Variants in ADGRE3 observed in about 807,000 individuals in gnomAD.
ADGRE3 encodes adhesion G protein-coupled receptor E3.
In ADGRE3, 88 loss-of-function variants were observed where a neutral mutation model predicts 80.1. The observed-to-expected ratio is 1.10, with a 90% CI of 0.93 to 1.31. The LOEUF is 1.31. Among genes scored for constraint, ADGRE3 ranks in the 40% most tolerant of loss-of-function variants. The pLI, the probability that ADGRE3 is intolerant of heterozygous loss-of-function variation, is 0.00. For synonymous variants in ADGRE3, 281 were observed against 294.8 expected (o/e 0.95, Z 0.48); for missense variants, 715 against 776.5 (o/e 0.92, Z 0.94).
At chr19:14,628,648 T>G (rs1309255284) in intron 14 of ADGRE3, 2 of 336,582 alleles carry the variant, frequency 5.9e-6, no homozygotes, top group South Asian at 5.6e-5. Flanking sequence ...GTTCAAGACC[T>G]CATCATGCCC....
At chr19:14,670,064 C>A (rs1362414850) in intron 1 of ADGRE3, among the ~76,000 whole-genome samples, 1 of 151,996 alleles carries the variant, frequency 6.6e-6, no homozygotes, top group East Asian at 1.9e-4. Flanking sequence ...CATCTTGAAT[C>A]TAAGAAAAAA....
chr19:14,608,954 C>T, the ADGRE3 span, among the ~76,000 whole-genome samples: 1 of 152,006 alleles, frequency 6.6e-6, no homozygotes, highest in Non-Finnish European at 1.5e-5. Flanking sequence ...CGCCCGCCAC[C>T]ATGCTTGGTT....
At chr19:14,615,607 CA>C, downstream of ADGRE3, among the ~76,000 whole-genome samples, 1 of 151,506 alleles carries the variant, frequency 6.6e-6, no homozygotes, top group East Asian at 2.0e-4. Flanking sequence ...CTAAAAAATA[CA>C]AAAATTAGCC....
chr19:14,672,243 G>T (rs969305608), intron 1 of ADGRE3, among the ~76,000 whole-genome samples: 4 of 152,080 alleles, frequency 2.6e-5, no homozygotes, highest in African/African-American at 9.7e-5. Context: ...TCACTAATTT[G>T]GGCAAAGGTC....
chr19:14,644,109 T>C lies in ADGRE3; in HGVS notation c.1049A>G (p.Gln350Arg). The C allele has an allele frequency of 6.6e-7, 1 of 1,521,700 alleles. No homozygotes were observed. The highest frequency in any genetic ancestry group is 8.8e-7 in the Non-Finnish European group (1 of 1,131,806). The allele number at this position is 1,521,700 out of a possible 1,614,324, so 94.3% of individuals were successfully genotyped here. A position where few individuals can be genotyped will look rare whatever the true frequency, so the allele number is the denominator to read the frequency against. ...SFAVLMALTS[Q>R]EEDPVLTVIT... ...AAGAATAAAACATATACATCATACCTGGCTGGTCAGGGCCATCAGGACAGC... is the reference window on the plus strand; with the variant it reads ...AAGAATAAAACATATACATCATACCCGGCTGGTCAGGGCCATCAGGACAGC... Residue 350 changes from glutamine to arginine, a missense_variant and splice_region_variant, in exon 9 of 16, where the codon CAG becomes CGG. By Grantham distance (43) the Gln-to-Arg change is conservative. Transcript: ENST00000253673.
chr19:14,629,183 C>A (rs1471137261), intron 14 of ADGRE3, among the ~76,000 whole-genome samples: 4 of 152,200 alleles, frequency 2.6e-5, no homozygotes, highest in African/African-American at 4.8e-5. Context: ...GCTGGCCTCC[C>A]AAAGTGCTGG....
At chr19:14,615,965 A>AT (rs2075072934), downstream of ADGRE3, among the ~76,000 whole-genome samples, 1 of 127,072 alleles carries the variant, frequency 7.9e-6, no homozygotes, top group Non-Finnish European at 1.8e-5. Flanking sequence ...TCTCTGCCTT[A>AT]CTTTTTTTTT....
chr19:14,652,451 A>G (rs1379915778), intron 6 of ADGRE3, among the ~76,000 whole-genome samples: 1 of 152,078 alleles, frequency 6.6e-6, no homozygotes, highest in Non-Finnish European at 1.5e-5. Flanking sequence ...TTAAAAAAAA[A>G]AAGAAGCAAG....
At chr19:14,647,865 T>G (rs1468536386) in intron 7 of ADGRE3, among the ~76,000 whole-genome samples, 1 of 151,296 alleles carries the variant, frequency 6.6e-6, no homozygotes, top group Admixed American at 6.6e-5. Flanking sequence ...GTGGATCACT[T>G]GAGGTCAGAA....
At chr19:14,624,572 T>C (rs1335880649) in intron 15 of ADGRE3, among the ~76,000 whole-genome samples, 2 of 151,566 alleles carry the variant, frequency 1.3e-5, no homozygotes, top group African/African-American at 2.4e-5. Context: ...CTGGGCAACA[T>C]AGGGAGACTC....
chr19:14,617,349 TCTTTCTTTCTTTCTTTCTTTCTTTCTTC>T (rs1336052025), downstream of ADGRE3, among the ~76,000 whole-genome samples: 3 of 61,818 alleles, frequency 4.9e-5, no homozygotes, highest in African/African-American at 1.7e-4. Flanking sequence ...TCCCTTTCTT[TCTTTCTTTCTTTCTTTCTTTCTTTCTTC>T]CTTTCTTTCT....
At chr19:14,625,674 A>G in intron 14 of ADGRE3, 75 bp from the exon 15 acceptor site, 2 of 805,016 alleles carry the variant, frequency 2.5e-6, no homozygotes, top group Non-Finnish European at 4.3e-6. Context: ...TGAGTCAGGA[A>G]GAGGATAGAG....
At chr19:14,636,604 A>G (rs1373061381) in intron 11 of ADGRE3, among the ~76,000 whole-genome samples, 2 of 152,128 alleles carry the variant, frequency 1.3e-5, no homozygotes, top group Non-Finnish European at 2.9e-5. Flanking sequence ...ACTTTATAAA[A>G]ATAATCAGAG....
At chr19:14,614,021 G>A in the ADGRE3 span, among the ~76,000 whole-genome samples, 2 of 152,110 alleles carry the variant, frequency 1.3e-5, no homozygotes, top group African/African-American at 2.4e-5. Context: ...TTCTCAGGAC[G>A]TGGCCCAGGC....
At chr19:14,660,001 CA>C (rs1362905604) in intron 4 of ADGRE3, among the ~76,000 whole-genome samples, 1 of 151,970 alleles carries the variant, frequency 6.6e-6, no homozygotes, top group Non-Finnish European at 1.5e-5. Flanking sequence ...CTTAAGAGTT[CA>C]AGAACTTTGA....
the ADGRE3 span, among the ~76,000 whole-genome samples, chr19:14,611,371 C>CTTTT: frequency 1.1e-4 from 8 of 75,946 alleles, no homozygotes; most frequent in Non-Finnish European, 1.5e-4. Flanking sequence ...AACTTCTATC[C>CTTTT]TTTTTTTTTT....
At chr19:14,665,936 G>A (rs6511955) in intron 2 of ADGRE3, among the ~76,000 whole-genome samples, 21 of 42,102 alleles carry the variant, frequency 5.0e-4, no homozygotes, top group South Asian at 8.0e-4. Context: ...ACACATATGT[G>A]TATATATATA....
At chr19:14,613,195 A>G in the ADGRE3 span, among the ~76,000 whole-genome samples, 56,470 of 150,686 alleles carry the variant, frequency 0.37, 10,634 homozygotes, top group Non-Finnish European at 0.4. Flanking sequence ...TAAAGTGCTA[A>G]GATTACAGGC....
the ADGRE3 span, among the ~76,000 whole-genome samples, chr19:14,613,258 G>A: frequency 3.3e-5 from 5 of 152,154 alleles, no homozygotes; most frequent in East Asian, 9.7e-4. Flanking sequence ...GTCTCACTCT[G>A]TCGCCCAGGC....
Sources: allele counts gnomAD v4.1 joint callset (sites outside exome capture counted in the v4.1 genomes callset), GRCh38; gene constraint gnomAD v4.1.1; transcripts MANE v1.5; gene names NCBI Gene and HGNC (gene_info 2026-07-23, HGNC 2026-07-21).